The following PCDH9 variants were observed in gnomAD, a reference collection of about 807,000 sequenced individuals.
PCDH9 encodes protocadherin 9, also known as protocadherin-9.
A neutral mutation model predicts 70.6 loss-of-function variants in PCDH9; 24 were observed. The observed-to-expected ratio is 0.34, with a 90% CI of 0.25 to 0.48. The LOEUF (loss-of-function observed/expected upper bound fraction) is 0.48, where lower values mean the gene tolerates loss of function less well. PCDH9 is among the 20% of genes least tolerant of loss of function. The pLI, the probability that PCDH9 is intolerant of heterozygous loss-of-function variation, is 0.99. For synonymous variants in PCDH9, 562 were observed against 558.5 expected, an observed-to-expected ratio of 1.01 and a Z score of -0.09; for missense variants, 1,281 against 1,503.6, an observed-to-expected ratio of 0.85 and a Z score of 2.45.
At chr13:66,910,536 T>TA (rs11400274) in intron 2 of PCDH9, among the ~76,000 whole-genome samples, 152,324 of 152,324 alleles carry the variant, frequency 1, 76,162 homozygotes, top group Non-Finnish European at 1. Context: ...AAAAAAATCT[T>TA]ACAAATTTAA....
intron 3 of PCDH9, among the ~76,000 whole-genome samples, chr13:66,638,503 CAA>C (rs1193416997): frequency 4.6e-5 from 7 of 152,112 alleles, no homozygotes; most frequent in Non-Finnish European, 4.4e-5. Flanking sequence ...AGAAAAGTAT[CAA>C]AGACTGCTAG....
At chr13:67,199,978 A>C (rs1272349446) in intron 2 of PCDH9, among the ~76,000 whole-genome samples, 1 of 152,058 alleles carries the variant, frequency 6.6e-6, no homozygotes, top group East Asian at 1.9e-4. Context: ...ACAAAACCAA[A>C]CTAGCAAATA....
intron 3 of PCDH9, among the ~76,000 whole-genome samples, chr13:66,730,029 G>T (rs1331948948): frequency 6.6e-6 from 1 of 152,048 alleles, no homozygotes; most frequent in East Asian, 1.9e-4. Context: ...CACTTATTTT[G>T]TATTTATTTC....
chr13:66,524,806 C>A (rs1960142605), intron 4 of PCDH9, among the ~76,000 whole-genome samples: 1 of 151,932 alleles, frequency 6.6e-6, no homozygotes, highest in African/African-American at 2.4e-5. Context: ...TTTGGGAAGT[C>A]AAAAAGTAGA....
chr13:66,528,068 A>C (rs950775014), intron 4 of PCDH9, among the ~76,000 whole-genome samples: 1 of 152,176 alleles, frequency 6.6e-6, no homozygotes, highest in Non-Finnish European at 1.5e-5. Context: ...TTATACAAAC[A>C]GTAAATAATA....
intron 2 of PCDH9, among the ~76,000 whole-genome samples, chr13:67,106,366 A>C (rs1419738878): frequency 1.3e-5 from 2 of 152,218 alleles, no homozygotes; most frequent in Non-Finnish European, 2.9e-5. Flanking sequence ...GATAAATGTA[A>C]GATATTCAAG....
chr13:67,228,867 C>G (rs1302672462), intron 1 of PCDH9, among the ~76,000 whole-genome samples: 1 of 152,094 alleles, frequency 6.6e-6, no homozygotes, highest in Non-Finnish European at 1.5e-5. Flanking sequence ...TCTTGTTCTC[C>G]TCTTCCCCTC....
chr13:66,447,585 A>C (rs950470778), intron 4 of PCDH9, among the ~76,000 whole-genome samples: 16 of 152,094 alleles, frequency 1.1e-4, no homozygotes, highest in African/African-American at 3.9e-4. Context: ...GGCAATTAGG[A>C]CTGGATTCTA....
intron 3 of PCDH9, among the ~76,000 whole-genome samples, chr13:66,669,737 C>CTT: frequency 6.6e-6 from 1 of 152,250 alleles, no homozygotes; most frequent in South Asian, 2.1e-4. Context: ...AATGATGGAT[C>CTT]TTTTAACCAT....
intron 2 of PCDH9, among the ~76,000 whole-genome samples, chr13:66,917,353 T>C (rs542005061): frequency 6.6e-6 from 1 of 151,624 alleles, no homozygotes; most frequent in South Asian, 2.1e-4. Flanking sequence ...TCTTTTCCAT[T>C]TTTTACCATC....
At chr13:66,667,889 A>T (rs2078117989) in intron 3 of PCDH9, among the ~76,000 whole-genome samples, 1 of 152,178 alleles carries the variant, frequency 6.6e-6, no homozygotes, top group African/African-American at 2.4e-5. Context: ...TGGGGAAAAA[A>T]CCTGCAAATG....
At chr13:66,396,184 A>T (rs755019350) in intron 4 of PCDH9, among the ~76,000 whole-genome samples, 10 of 152,230 alleles carry the variant, frequency 6.6e-5, no homozygotes, top group Admixed American at 2.6e-4. Flanking sequence ...AGAAAAGTAC[A>T]CATACCCAGT....
At chr13:66,819,343 CA>C (rs1376813280) in intron 3 of PCDH9, among the ~76,000 whole-genome samples, 1 of 150,216 alleles carries the variant, frequency 6.7e-6, no homozygotes, top group African/African-American at 2.4e-5. Context: ...AAAAACCTTT[CA>C]AAAGGTATTT....
At chr13:66,401,724 T>C (rs1418379981) in intron 4 of PCDH9, among the ~76,000 whole-genome samples, 1 of 152,186 alleles carries the variant, frequency 6.6e-6, no homozygotes, top group Non-Finnish European at 1.5e-5. Flanking sequence ...ACTCTTACTC[T>C]GCCTTCTAGA....
At chr13:66,717,499 A>ATATATATATATATATATATG in intron 3 of PCDH9, among the ~76,000 whole-genome samples, 1 of 107,430 alleles carries the variant, frequency 9.3e-6, no homozygotes, top group Non-Finnish European at 2.0e-5. Context: ...ATATATATAT[A>ATATATATATATATATATATG]TATATATATG....
intron 2 of PCDH9, among the ~76,000 whole-genome samples, chr13:66,930,338 G>A (rs1465801223): frequency 6.6e-6 from 1 of 152,048 alleles, no homozygotes; most frequent in Non-Finnish European, 1.5e-5. Context: ...TTTTGATCTA[G>A]TACTTTCCTA....
intron 3 of PCDH9, among the ~76,000 whole-genome samples, chr13:66,730,876 G>GTTTTTTTTTTTTTTTTT (rs758928616): frequency 2.6e-4 from 12 of 46,354 alleles, no homozygotes; most frequent in African/African-American, 6.0e-4. Flanking sequence ...GTGTGTGTGT[G>GTTTTTTTTTTTTTTTTT]TTTTTTTTTT....
rs957759622 is a variant in PCDH9, at chr13:66,306,520, C to A, written c.3341-1492G>T. On this transcript the variant is annotated intron_variant, in intron 4 of 4. Coordinates refer to ENST00000377865, the MANE Select transcript of PCDH9 (RefSeq NM_203487.3). Reference sequence around the variant, plus strand: ...TCCACGTAACCAAAAACCACTTGTACCCCAAAAACTATTGATATAAAAAAA... The same window carrying A: ...TCCACGTAACCAAAAACCACTTGTAACCCAAAAACTATTGATATAAAAAAA... Among the ~76,000 whole-genome samples, 3 of 151,320 alleles carry A rather than the reference C, an allele frequency of 2.0e-5. No individual in the cohort carries two copies. In the East Asian group the frequency reaches 5.8e-4, roughly 29 times the overall value.
intron 3 of PCDH9, among the ~76,000 whole-genome samples, chr13:66,770,193 A>G (rs1431659420): frequency 6.6e-6 from 1 of 152,180 alleles, no homozygotes; most frequent in Non-Finnish European, 1.5e-5. Flanking sequence ...TAATTTAAGT[A>G]GGCAAATAGA....
Sources: allele counts gnomAD v4.1 joint callset (sites outside exome capture counted in the v4.1 genomes callset), GRCh38; gene constraint gnomAD v4.1.1; transcripts MANE v1.5; gene names NCBI Gene and HGNC (gene_info 2026-07-23, HGNC 2026-07-21).